Variants in C14orf93 observed in about 807,000 individuals in gnomAD.
The protein encoded by C14orf93 is chromosome 14 open reading frame 93.
In C14orf93, 23 loss-of-function variants were observed where a neutral mutation model predicts 44.0. The observed-to-expected ratio is 0.52, with a 90% CI of 0.38 to 0.74. The LOEUF (loss-of-function observed/expected upper bound fraction) is 0.74. Among genes scored for constraint, C14orf93 ranks in the 30% least tolerant of loss-of-function variants. C14orf93 has a pLI of 0.00. For missense variants in C14orf93, 579 were observed against 678.9 expected (o/e 0.85, Z 1.64); for synonymous variants, 253 against 265.7 (o/e 0.95, Z 0.46).
chr14:23,004,620 T>C (rs1233678564), intron 1 of C14orf93, among the ~76,000 whole-genome samples: 1 of 152,098 alleles, frequency 6.6e-6, no homozygotes, highest in Non-Finnish European at 1.5e-5. Context: ...ACATGGACTA[T>C]CTAAAAAACA....
At position 23,003,880 on chromosome 14, in the gene C14orf93, A is replaced by G. The variant is rs867701003; in HGVS notation, c.-379-4478T>C. Among the ~76,000 whole-genome samples, 4 of 15,996 alleles carry G rather than the reference A, an allele frequency of 2.5e-4. No homozygotes were observed. In the East Asian group the frequency reaches 6.5e-3, roughly 26 times the overall value. 10.5% of individuals were successfully genotyped at this position (15,996 alleles called of 152,430 possible). On this transcript the variant is annotated intron_variant, in intron 1 of 6. Coordinates refer to ENST00000299088, the MANE Select transcript of C14orf93 (RefSeq NM_021944.4). ...TTCATATATATATATATATATATAT[A>G]TATATATATATATATATATTTTTTT...
At chr14:23,003,780 G>T (rs1464579226) in intron 1 of C14orf93, among the ~76,000 whole-genome samples, 1 of 145,528 alleles carries the variant, frequency 6.9e-6, no homozygotes, top group Non-Finnish European at 1.5e-5. Flanking sequence ...CAGCCTGGGA[G>T]ACAGGGCGAG....
At position 22,987,099 on chromosome 14, in the gene C14orf93, G is replaced by T; in HGVS notation, c.*116C>A. The T allele has an allele frequency of 8.8e-7, 1 of 1,140,650 alleles. No individual in the cohort carries two copies. Among genetic ancestry groups the T allele is most frequent in the Non-Finnish European group, 1.2e-6 (1 of 820,226 alleles). The allele number at this position is 1,140,650 out of a possible 1,614,324, so 70.7% of individuals were successfully genotyped here. ...AGTAGAGACTGTGTTAAGAAAAGAG[G>T]CAAATTTGCTTTCTCAGACTGCACA... On this transcript the variant is annotated 3_prime_UTR_variant, in exon 7 of 7. Coordinates refer to ENST00000299088, the MANE Select transcript of C14orf93 (RefSeq NM_021944.4). This position sits in a 1 kb window ranked among gnomAD's most constrained non-coding sequence, Gnocchi z 5.6.
chr14:22,994,305 G>T (rs1038963704), intron 3 of C14orf93, among the ~76,000 whole-genome samples: 1 of 151,882 alleles, frequency 6.6e-6, no homozygotes, highest in African/African-American at 2.4e-5. Context: ...CTGATCTCAG[G>T]AGTTCAAGAC....
At chr14:23,007,466 G>C (rs1032998917) in intron 1 of C14orf93, among the ~76,000 whole-genome samples, 4 of 152,198 alleles carry the variant, frequency 2.6e-5, no homozygotes, top group African/African-American at 9.7e-5. Context: ...CCGACTTTTA[G>C]TTACTGCTGG....
chr14:22,990,607 G>C, intron 3 of C14orf93, among the ~76,000 whole-genome samples: 1 of 150,878 alleles, frequency 6.6e-6, no homozygotes, highest in East Asian at 2.0e-4. Flanking sequence ...GTAGCTCAGA[G>C]TACGGGCACC....
intron 1 of C14orf93, chr14:23,009,893 A>C (rs893115873): frequency 6.6e-6 from 1 of 152,210 alleles, no homozygotes; most frequent in Admixed American, 6.5e-5. Flanking sequence ...ACGGTTGTAC[A>C]CGGCCATCCT....
intron 3 of C14orf93, among the ~76,000 whole-genome samples, chr14:22,993,285 CAG>C (rs2139521480): frequency 6.6e-6 from 1 of 152,352 alleles, no homozygotes; most frequent in African/African-American, 2.4e-5. Flanking sequence ...CCCAAACTGA[CAG>C]ATTAATATCC....
In C14orf93 at chr14:22,999,233, C is replaced by A; in HGVS notation, c.-210G>T. The A allele has an allele frequency of 1.6e-6, 1 of 635,772 alleles. No homozygotes were observed. The highest frequency in any genetic ancestry group is 2.6e-6 in the Non-Finnish European group (1 of 391,548). The allele number at this position is 635,772 out of a possible 1,614,324, so 39.4% of individuals were successfully genotyped here. On this transcript the variant is annotated 5_prime_UTR_variant, in exon 2 of 7. Coordinates refer to ENST00000299088, the MANE Select transcript of C14orf93 (RefSeq NM_021944.4). ...CTCTCCTCGGCCTGCAGAAGGGAGA[C>A]AGGTGCCTTCTATTTGCAGATCCTG...
In C14orf93 at chr14:22,987,930, C is replaced by T. The variant is rs2045333128; in HGVS notation, c.1170G>A (p.Glu390=). The change falls in exon 6 of 7, where the codon GAG becomes GAA. Residue 390 remains glutamate (E), a synonymous_variant. Coordinates refer to ENST00000299088, the MANE Select transcript of C14orf93 (RefSeq NM_021944.4). This position sits in a 1 kb window ranked among gnomAD's most constrained non-coding sequence, Gnocchi z 5.6. ...NPFKGLKEKE[E]KKLRSRRYRL... is the part of the protein sequence containing the mutation. ...GATATCGGCGACTTCGAAGTTTCTT[C>T]TCCTCTTTTTCCTTCAGGCCTTTAA... The T allele has an allele frequency of 6.2e-7, 1 of 1,613,912 alleles. No homozygotes were observed. Among genetic ancestry groups the T allele is most frequent in the Non-Finnish European group, 8.5e-7 (1 of 1,179,914 alleles).
intron 1 of C14orf93, among the ~76,000 whole-genome samples, chr14:23,004,722 C>T (rs1022572597): frequency 2.6e-5 from 4 of 151,842 alleles, no homozygotes; most frequent in African/African-American, 9.7e-5. Context: ...AGTTCGAGAC[C>T]AGCCTGACCA....
intron 1 of C14orf93, among the ~76,000 whole-genome samples, chr14:23,001,839 TAA>T (rs780256403): frequency 0.22 from 13,076 of 59,018 alleles, 1,126 homozygotes; most frequent in African/African-American, 0.26. Context: ...TACTGCAGGT[TAA>T]AAAAAAAAAA....
chr14:22,990,408 T>G (rs1171393886), intron 3 of C14orf93, among the ~76,000 whole-genome samples: 2 of 152,130 alleles, frequency 1.3e-5, no homozygotes, highest in Admixed American at 1.3e-4. Context: ...ATACCCCTGA[T>G]AGCAACGAGA....
At chr14:22,997,972 G>T in intron 2 of C14orf93, 1 of 155,184 alleles carries the variant, frequency 6.4e-6, no homozygotes, top group Non-Finnish European at 1.4e-5. Context: ...CTTTATCTTT[G>T]TCCTCTCACT....
In C14orf93 at chr14:23,003,873, TA is replaced by T. The variant is rs2046440666; in HGVS notation, c.-379-4472del. ...TAATATATTCATATATATATATATA[TA>T]TATATATATATATATATATATATAT... is the stretch of plus-strand genomic sequence containing the variant. On this transcript the variant is annotated intron_variant, in intron 1 of 6. Coordinates refer to ENST00000299088, the MANE Select transcript of C14orf93 (RefSeq NM_021944.4). 8.5e-4 allele frequency among the ~76,000 whole-genome samples: 12 copies of T among 14,050 alleles called. 1 individual carries two copies. The highest frequency in any genetic ancestry group is 2.3e-3 in the South Asian group (1 of 444). 9.2% of individuals were successfully genotyped at this position (14,050 alleles called of 152,430 possible).
At chr14:23,001,160 G>A (rs1473188981) in intron 1 of C14orf93, 1 of 151,882 alleles carries the variant, frequency 6.6e-6, no homozygotes, top group African/African-American at 2.4e-5. Flanking sequence ...CACTGCTCCT[G>A]CAGAGCTTTT....
intron 1 of C14orf93, chr14:23,007,127 C>T (rs917594001): frequency 1.3e-5 from 2 of 152,328 alleles, no homozygotes; most frequent in South Asian, 4.1e-4. Context: ...CAGAACTATC[C>T]GCGGCGCCTG....
intron 1 of C14orf93, among the ~76,000 whole-genome samples, chr14:23,003,973 G>A (rs1048201263): frequency 5.8e-5 from 7 of 121,140 alleles, no homozygotes; most frequent in Admixed American, 3.8e-4. Flanking sequence ...GTGGAGGCAC[G>A]ATCTTGGCTC....
At chr14:23,004,012 C>CA (rs2046496942) in intron 1 of C14orf93, among the ~76,000 whole-genome samples, 2 of 133,974 alleles carry the variant, frequency 1.5e-5, no homozygotes, top group African/African-American at 5.6e-5. Flanking sequence ...CAGGTTCAAG[C>CA]AATTCTCCTG....
Sources: gnomAD v4.1 joint callset for allele counts (sites outside exome capture counted in the v4.1 genomes callset) on GRCh38, gnomAD v4.1.1 for gene constraint, Gnocchi (gnomAD v3.1) non-coding constraint, MANE v1.5 for transcripts, NCBI Gene and HGNC (gene_info 2026-07-23, HGNC 2026-07-21) for gene names.